Variants in NPAS3 observed in about 807,000 individuals in gnomAD.
NPAS3 encodes the protein neuronal PAS domain protein 3, also known as neuronal PAS domain-containing protein 3.
NPAS3 carries 14 observed loss-of-function variants against 73.1 expected under a neutral mutation model. That is an observed-to-expected ratio of 0.19 (90% CI 0.13 to 0.30). NPAS3 has a LOEUF of 0.30. NPAS3 is among the 10% of genes least tolerant of loss of function. The pLI is 1.00. For synonymous variants in NPAS3, 620 were observed against 541.5 expected (o/e 1.14, Z -2.01); for missense variants, 1,096 against 1,250.0 (o/e 0.88, Z 1.86).
At chr14:33,359,580 G>A (rs2045498309) in intron 3 of NPAS3, among the ~76,000 whole-genome samples, 1 of 152,180 alleles carries the variant, frequency 6.6e-6, no homozygotes, top group East Asian at 1.9e-4. Flanking sequence ...AGGCTTTTAA[G>A]ACAGTTTGCA....
chr14:33,588,499 A>T (rs2056947436), intron 5 of NPAS3, among the ~76,000 whole-genome samples: 1 of 152,220 alleles, frequency 6.6e-6, no homozygotes, highest in African/African-American at 2.4e-5. Flanking sequence ...CAGATGGTTC[A>T]TCTTGAGAAC....
At chr14:33,358,818 A>G (rs1176913184) in intron 3 of NPAS3, among the ~76,000 whole-genome samples, 1 of 152,250 alleles carries the variant, frequency 6.6e-6, no homozygotes, top group Admixed American at 6.5e-5. Flanking sequence ...AAGTGGAAAT[A>G]GGAGCCTGGC....
At chr14:33,136,937 A>C (rs889051161) in intron 2 of NPAS3, among the ~76,000 whole-genome samples, 4 of 152,210 alleles carry the variant, frequency 2.6e-5, no homozygotes, top group Admixed American at 1.3e-4. Flanking sequence ...TTAAATTTAT[A>C]GAAATTTCAC....
intron 4 of NPAS3, among the ~76,000 whole-genome samples, chr14:33,514,698 A>G (rs1023390392): frequency 7.2e-5 from 11 of 152,102 alleles, no homozygotes; most frequent in African/African-American, 2.7e-4. Context: ...ACTGTACCTT[A>G]TCCTAAACAC....
At chr14:33,117,093 C>T (rs959712673) in intron 2 of NPAS3, among the ~76,000 whole-genome samples, 1 of 151,804 alleles carries the variant, frequency 6.6e-6, no homozygotes, top group Admixed American at 6.6e-5. Context: ...TATAGTTGTT[C>T]GTATTTATGG....
chr14:33,518,090 G>A (rs2053386611), intron 4 of NPAS3, among the ~76,000 whole-genome samples: 1 of 152,086 alleles, frequency 6.6e-6, no homozygotes, highest in African/African-American at 2.4e-5. Flanking sequence ...AGTAATAAAT[G>A]AAATGGCTGA....
chr14:33,617,908 GAAA>G (rs146172123), intron 5 of NPAS3, among the ~76,000 whole-genome samples: 4 of 148,998 alleles, frequency 2.7e-5, no homozygotes, highest in Non-Finnish European at 6.0e-5. Flanking sequence ...AGCAGTTAAA[GAAA>G]AAAAAAATGG....
Position 33,785,590 on chromosome 14 carries a change from A to G in NPAS3, c.1153+7018A>G, listed in dbSNP as rs369661466. On this transcript the variant is annotated intron_variant, in intron 9 of 11. Transcript: ENST00000356141. The stretch of plus-strand genomic sequence containing the variant: ...TTAAATTGTTTCCTGAAAACATTCA[A>G]TGATACCTCACATATCTCAAAAAAC... 9.2e-5 allele frequency among the ~76,000 whole-genome samples: 14 copies of G among 152,328 alleles called. No homozygotes were observed. In the South Asian group the frequency reaches 2.5e-3, roughly 27 times the overall value.
intron 7 of NPAS3, among the ~76,000 whole-genome samples, chr14:33,757,709 G>T (rs1318435546): frequency 1.3e-5 from 2 of 152,188 alleles, no homozygotes; most frequent in Non-Finnish European, 2.9e-5. Context: ...GAGAGAAAGA[G>T]GATCAAGGAT....
At chr14:33,223,514 A>G (rs932293837) in intron 3 of NPAS3, among the ~76,000 whole-genome samples, 1 of 152,176 alleles carries the variant, frequency 6.6e-6, no homozygotes, top group Non-Finnish European at 1.5e-5. Context: ...TAAACATACC[A>G]TGTGACTGGT....
rs1041258093 is a variant in NPAS3 at position 33,315,511 on chromosome 14, G to A, written c.386-51675G>A. Reference sequence around the variant, plus strand: ...ATGAGATTAGAAGAGTGTGTCGGGGGGGGAGTGTGTTTGTGTGTGTGTATG... The same window carrying A: ...ATGAGATTAGAAGAGTGTGTCGGGGAGGGAGTGTGTTTGTGTGTGTGTATG... On this transcript the variant is annotated intron_variant, in intron 3 of 11. Transcript: ENST00000356141. Among the ~76,000 whole-genome samples the A allele has an allele frequency of 1.1e-4, 17 of 151,446 alleles. 1 individual carries two copies. Among genetic ancestry groups the A allele is most frequent in the South Asian group, 4.2e-4 (2 of 4,798 alleles).
At chr14:33,362,535 C>T (rs750358754) in intron 3 of NPAS3, among the ~76,000 whole-genome samples, 15 of 152,220 alleles carry the variant, frequency 9.9e-5, no homozygotes, top group Non-Finnish European at 1.6e-4. Flanking sequence ...CTTTCTCAGC[C>T]GCTGGCTTTG....
intron 1 of NPAS3, among the ~76,000 whole-genome samples, chr14:32,984,197 G>A (rs948004424): frequency 6.6e-6 from 1 of 152,186 alleles, no homozygotes; most frequent in East Asian, 1.9e-4. Context: ...CTGTTATAGT[G>A]CCTCAATCTT....
At chr14:33,361,121 A>T (rs948455386) in intron 3 of NPAS3, among the ~76,000 whole-genome samples, 1 of 152,238 alleles carries the variant, frequency 6.6e-6, no homozygotes, top group African/African-American at 2.4e-5. Flanking sequence ...TCCCAGCTAC[A>T]GAAGGAGAAA....
At chr14:33,310,692 T>C (rs2042964006) in intron 3 of NPAS3, among the ~76,000 whole-genome samples, 1 of 152,066 alleles carries the variant, frequency 6.6e-6, no homozygotes, top group East Asian at 1.9e-4. Context: ...GAATCAGTCC[T>C]GTGTCACCTC....
At chr14:33,712,963 C>G (rs748352265) in intron 6 of NPAS3, among the ~76,000 whole-genome samples, 1 of 152,250 alleles carries the variant, frequency 6.6e-6, no homozygotes, top group African/African-American at 2.4e-5. Context: ...ACAGGAGGCA[C>G]TTTCTCTATG....
chr14:33,220,235 G>C (rs2047374227), intron 3 of NPAS3, among the ~76,000 whole-genome samples: 1 of 152,152 alleles, frequency 6.6e-6, no homozygotes, highest in South Asian at 2.1e-4. Flanking sequence ...AGCAGACTGA[G>C]GAACAGACTC....
intron 2 of NPAS3, among the ~76,000 whole-genome samples, chr14:33,075,855 T>A (rs2041640633): frequency 6.6e-6 from 1 of 152,240 alleles, no homozygotes; most frequent in African/African-American, 2.4e-5. Context: ...TTTGGTTTCA[T>A]ATTTTGTTCA....
chr14:33,367,247 T>C, exon 4 of NPAS3: 1 of 866,868 alleles, frequency 1.2e-6, no homozygotes, highest in Non-Finnish European at 2.0e-6. Flanking sequence ...TTGAAGCACA[T>C]TTGGGAAGCC....
Sources: gnomAD v4.1 joint callset for allele counts (sites outside exome capture counted in the v4.1 genomes callset) on GRCh38, gnomAD v4.1.1 for gene constraint, MANE v1.5 for transcripts, NCBI Gene and HGNC (gene_info 2026-07-23, HGNC 2026-07-21) for gene names.